The following TNRC6B variants were observed in gnomAD, a reference collection of about 807,000 sequenced individuals.
TNRC6B encodes trinucleotide repeat containing adaptor 6B.
TNRC6B carries 52 observed loss-of-function variants against 203.6 expected under a neutral mutation model. That is an observed-to-expected ratio of 0.26 (90% CI 0.20 to 0.32). TNRC6B has a LOEUF of 0.32. Ranked by LOEUF, TNRC6B falls within the 10% of genes least tolerant of loss-of-function variation. TNRC6B has a pLI of 1.00. For missense variants in TNRC6B, 1,923 were observed against 2,286.2 expected, an observed-to-expected ratio of 0.84 and a Z score of 3.24; for synonymous variants, 838 against 845.7, an observed-to-expected ratio of 0.99 and a Z score of 0.16.
intron 3 of TNRC6B, among the ~76,000 whole-genome samples, chr22:40,143,777 T>C (rs906081512): frequency 6.6e-6 from 1 of 152,178 alleles, no homozygotes; most frequent in East Asian, 1.9e-4. Flanking sequence ...ATTACAGGCG[T>C]GAGCCACTGT....
intron 15 of TNRC6B, 126 bp downstream of exon 15, chr22:40,301,459 C>G: frequency 9.4e-7 from 1 of 1,067,272 alleles, no homozygotes; most frequent in Non-Finnish European, 1.3e-6. Context: ...ATTCTTATCC[C>G]TGGTTTACAG....
intron 2 of TNRC6B, among the ~76,000 whole-genome samples, chr22:40,117,490 G>A (rs1368874220): frequency 6.6e-6 from 1 of 152,114 alleles, no homozygotes; most frequent in Non-Finnish European, 1.5e-5. Context: ...ATTTACTCAG[G>A]TCATGCCTTT....
intron 1 of TNRC6B, among the ~76,000 whole-genome samples, chr22:40,236,186 A>G (rs1004107329): frequency 6.6e-6 from 1 of 152,198 alleles, no homozygotes; most frequent in Non-Finnish European, 1.5e-5. Context: ...ATGTGGGTTC[A>G]TGTATCCACC....
intron 1 of TNRC6B, chr22:40,106,986 C>T: frequency 1.7e-6 from 2 of 1,189,412 alleles, no homozygotes; most frequent in Admixed American, 1.7e-5. Flanking sequence ...ATCTTCAGCT[C>T]TGCAAAATTC....
At chr22:40,268,796 C>T (rs1601473219) in intron 5 of TNRC6B, among the ~76,000 whole-genome samples, 1 of 152,056 alleles carries the variant, frequency 6.6e-6, no homozygotes, top group East Asian at 2.0e-4. Flanking sequence ...CCTGTAGTCC[C>T]AGCTACTCGG....
chr22:40,050,688 C>T (rs2067736969), intron 1 of TNRC6B, among the ~76,000 whole-genome samples: 1 of 152,150 alleles, frequency 6.6e-6, no homozygotes, highest in Non-Finnish European at 1.5e-5. Context: ...CTGTTTTGGT[C>T]CTGAATCTCA....
At chr22:40,176,779 AGT>A (rs2069066450), upstream of TNRC6B, among the ~76,000 whole-genome samples, 1 of 152,148 alleles carries the variant, frequency 6.6e-6, no homozygotes, top group Non-Finnish European at 1.5e-5. Flanking sequence ...ATATTATGGG[AGT>A]GTTAACAGGA....
intron 1 of TNRC6B, among the ~76,000 whole-genome samples, chr22:40,097,936 C>G (rs566097451): frequency 6.6e-6 from 1 of 152,188 alleles, no homozygotes; most frequent in African/African-American, 2.4e-5. Context: ...ACCTCAGCTT[C>G]CCAAGTAACT....
intron 1 of TNRC6B, among the ~76,000 whole-genome samples, chr22:40,057,545 C>T (rs1294485538): frequency 6.6e-6 from 1 of 152,110 alleles, no homozygotes; most frequent in Non-Finnish European, 1.5e-5. Context: ...CGCAGCCTCC[C>T]AAAGTGCTGG....
chr22:40,198,891 T>C (rs891884489), intron 1 of TNRC6B, among the ~76,000 whole-genome samples: 9 of 152,070 alleles, frequency 5.9e-5, no homozygotes, highest in Admixed American at 1.3e-4. Flanking sequence ...AGTATTCCAA[T>C]AGCAGTGAGT....
chr22:40,050,014 A>G (rs934995128), intron 1 of TNRC6B, among the ~76,000 whole-genome samples: 2 of 152,196 alleles, frequency 1.3e-5, no homozygotes, highest in Non-Finnish European at 2.9e-5. Context: ...TCTATAATTT[A>G]TAATTATAGT....
At position 40,110,380 on chromosome 22, in the gene TNRC6B, A is replaced by G. The variant is rs189090313; in HGVS notation, c.-120-6675A>G. 2.3e-3 allele frequency among the ~76,000 whole-genome samples: 344 copies of G among 152,344 alleles called. 4 individuals are homozygous for G. The highest frequency in any genetic ancestry group is 7.7e-3 in the African/African-American group (320 of 41,570). ...TGAGCACAGTGCCATGTACTTAGTAAGCATTCAGTAAAGCTGGTTGAGTTG... is the reference window on the plus strand; with the variant it reads ...TGAGCACAGTGCCATGTACTTAGTAGGCATTCAGTAAAGCTGGTTGAGTTG... On this transcript the variant is annotated intron_variant, in intron 1 of 23. Coordinates refer to the TNRC6B transcript ENST00000301923.
chr22:40,249,630 G>GT (rs1480820968), intron 2 of TNRC6B, among the ~76,000 whole-genome samples: 1 of 152,206 alleles, frequency 6.6e-6, no homozygotes, highest in African/African-American at 2.4e-5. Flanking sequence ...ATTTGGGCTT[G>GT]TTGCTTACAA....
At chr22:40,204,933 C>A (rs2069460770) in intron 1 of TNRC6B, among the ~76,000 whole-genome samples, 1 of 152,226 alleles carries the variant, frequency 6.6e-6, no homozygotes, top group Non-Finnish European at 1.5e-5. Context: ...TAAACACTTT[C>A]ATCAGTTATT....
intron 1 of TNRC6B, among the ~76,000 whole-genome samples, chr22:40,103,223 G>A (rs113644444): frequency 0.056 from 8,501 of 151,284 alleles, 759 homozygotes; most frequent in African/African-American, 0.19. Flanking sequence ...AGCTCTGCTC[G>A]TGCCACTGCA....
At chr22:40,174,132 A>G (rs2069033244), upstream of TNRC6B, among the ~76,000 whole-genome samples, 1 of 150,616 alleles carries the variant, frequency 6.6e-6, no homozygotes, top group South Asian at 2.1e-4. Context: ...TACTCAGTTC[A>G]GTTATTTTTC....
intron 3 of TNRC6B, among the ~76,000 whole-genome samples, chr22:40,258,767 C>T (rs1306631257): frequency 6.6e-6 from 1 of 152,030 alleles, no homozygotes; most frequent in South Asian, 2.1e-4. Context: ...GGGAAAGTGC[C>T]CTGAGGAACT....
chr22:40,214,289 A>G (rs1003858493), intron 1 of TNRC6B, among the ~76,000 whole-genome samples: 1 of 152,090 alleles, frequency 6.6e-6, no homozygotes, highest in African/African-American at 2.4e-5. Flanking sequence ...ATTAAAAAAA[A>G]AAGGGTAACA....
chr22:40,269,413 G>GT (rs2070528823), intron 5 of TNRC6B, among the ~76,000 whole-genome samples: 1 of 152,044 alleles, frequency 6.6e-6, no homozygotes, highest in East Asian at 1.9e-4. Context: ...GATAACAGGC[G>GT]TGAGCCATTG....
Sources: allele counts gnomAD v4.1 joint callset (sites outside exome capture counted in the v4.1 genomes callset), GRCh38; gene constraint gnomAD v4.1.1; transcripts MANE v1.5; gene names NCBI Gene and HGNC (gene_info 2026-07-23, HGNC 2026-07-21).